CLNK: variants seen among roughly 807,000 people sequenced by gnomAD.
The protein encoded by CLNK is cytokine dependent hematopoietic cell linker, also known as cytokine-dependent hematopoietic cell linker.
CLNK carries 74 observed loss-of-function variants against 68.6 expected under a neutral mutation model. The observed-to-expected ratio is 1.08, with a 90% confidence interval of 0.89 to 1.31. The LOEUF is 1.31. CLNK is among the 50% of genes most tolerant of loss of function. The probability of loss-of-function intolerance (pLI) is 0.00; values close to 1 mark genes in which losing one functional copy is unlikely to be tolerated. For synonymous variants in CLNK, 198 were observed against 172.2 expected (o/e 1.15, Z -1.17); for missense variants, 553 against 515.3 (o/e 1.07, Z -0.71).
At chr4:10,626,589 A>C (rs1318333043) in intron 2 of CLNK, among the ~76,000 whole-genome samples, 1 of 152,348 alleles carries the variant, frequency 6.6e-6, no homozygotes, top group Middle Eastern at 3.4e-3. Context: ...AAAAACAGGA[A>C]AATAAAAATC....
chr4:10,581,788 C>T (rs1355569126), intron 4 of CLNK, among the ~76,000 whole-genome samples: 2 of 151,742 alleles, frequency 1.3e-5, no homozygotes, highest in Non-Finnish European at 2.9e-5. Context: ...CCTTGATTGC[C>T]CTTAGAAATG....
At chr4:10,572,244 A>G (rs2108828507) in intron 4 of CLNK, among the ~76,000 whole-genome samples, 1 of 152,380 alleles carries the variant, frequency 6.6e-6, no homozygotes, top group East Asian at 1.9e-4. Context: ...AAGTATTTTG[A>G]GGACAGAAGT....
At chr4:10,678,970 A>C (rs1240438445) in intron 1 of CLNK, among the ~76,000 whole-genome samples, 1 of 152,228 alleles carries the variant, frequency 6.6e-6, no homozygotes, top group Admixed American at 6.5e-5. Flanking sequence ...TGCCATCCCC[A>C]TCAAGCTACC....
At chr4:10,517,330 C>A (rs2191006) in intron 15 of CLNK, 14 of 152,002 alleles carry the variant, frequency 9.2e-5, no homozygotes, top group African/African-American at 3.1e-4. Context: ...GGAGGCACAA[C>A]ATAATATAAA....
At chr4:10,662,965 T>C (rs543278448) in intron 2 of CLNK, among the ~76,000 whole-genome samples, 1 of 152,342 alleles carries the variant, frequency 6.6e-6, no homozygotes, top group East Asian at 1.9e-4. Flanking sequence ...ATCTGGGATG[T>C]GCAAGAGTGA....
chr4:10,678,992 T>A (rs186424134), intron 1 of CLNK, among the ~76,000 whole-genome samples: 2 of 152,314 alleles, frequency 1.3e-5, no homozygotes. Flanking sequence ...ATGACTTTTT[T>A]CACTGAATTG....
At chr4:10,722,159 G>T in the CLNK span, among the ~76,000 whole-genome samples, 3 of 152,158 alleles carry the variant, frequency 2.0e-5, no homozygotes, top group Non-Finnish European at 2.9e-5. Flanking sequence ...GAGCGAGAGA[G>T]ACCCTGTCTC....
At chr4:10,632,180 T>A (rs6849475) in intron 2 of CLNK, among the ~76,000 whole-genome samples, 121 of 152,366 alleles carry the variant, frequency 7.9e-4, no homozygotes, top group African/African-American at 2.5e-3. Flanking sequence ...TTTCCCCAGT[T>A]GTACAGTACG....
rs74882684 is a variant in CLNK at position 10,544,317 on chromosome 4, T to C, written c.446-2037A>G. 5.5e-3 allele frequency among the ~76,000 whole-genome samples: 836 copies of C among 152,374 alleles called. 5 individuals carry two copies. Among genetic ancestry groups the C allele is most frequent in the African/African-American group, 0.019 (791 of 41,592 alleles). Reference sequence around the variant, plus strand: ...CTTCTTTTATTTCATTGATTTATTATTGAGCACATAGTATGTGTTAGGTAT... The same window carrying C: ...CTTCTTTTATTTCATTGATTTATTACTGAGCACATAGTATGTGTTAGGTAT... On this transcript the variant is annotated intron_variant, in intron 8 of 18. Transcript: ENST00000226951.
rs567085450 is a variant in CLNK, at chr4:10,494,580, C to T, written c.1141-3967G>A. ...TCAAGCAATTCTCCTGCCTCAGCCT[C>T]CCAAGTAGCTGGGATTACAGGCATG... On this transcript the variant is annotated intron_variant, in intron 18 of 18. Transcript: ENST00000226951. Among the ~76,000 whole-genome samples, 23 of 152,070 alleles carry T rather than the reference C, an allele frequency of 1.5e-4. No individual in the cohort carries two copies. The South Asian group carries it at 3.5e-3, about 23-fold the overall frequency.
At chr4:10,552,496 A>G (rs1048781695) in intron 8 of CLNK, among the ~76,000 whole-genome samples, 1 of 152,102 alleles carries the variant, frequency 6.6e-6, no homozygotes, top group Non-Finnish European at 1.5e-5. Context: ...AGTTTTTTGC[A>G]TGCGTGTCTG....
chr4:10,639,651 CTTAAAA>C (rs1169217884), intron 2 of CLNK, among the ~76,000 whole-genome samples: 5 of 152,184 alleles, frequency 3.3e-5, no homozygotes, highest in African/African-American at 4.8e-5. Flanking sequence ...TTAAATATAA[CTTAAAA>C]TTAATTAAAC....
chr4:10,632,963 G>T (rs1722945988), intron 2 of CLNK, among the ~76,000 whole-genome samples: 1 of 152,086 alleles, frequency 6.6e-6, no homozygotes, highest in African/African-American at 2.4e-5. Flanking sequence ...ATCTTATTTT[G>T]ACTGAGGCCT....
At chr4:10,730,635 C>T in the CLNK span, among the ~76,000 whole-genome samples, 1 of 152,088 alleles carries the variant, frequency 6.6e-6, no homozygotes, top group Non-Finnish European at 1.5e-5. Flanking sequence ...CCCAATCTCC[C>T]AGCACGTTGA....
intron 4 of CLNK, 39 bp from the exon 5 acceptor site, chr4:10,571,817 G>A: frequency 6.4e-7 from 1 of 1,550,566 alleles, no homozygotes; most frequent in Non-Finnish European, 8.9e-7. Context: ...TTTAATCACT[G>A]TGGTAGCTCC....
chr4:10,659,626 C>A (rs774646080), intron 2 of CLNK, among the ~76,000 whole-genome samples: 3 of 152,088 alleles, frequency 2.0e-5, no homozygotes, highest in Non-Finnish European at 4.4e-5. Flanking sequence ...CCTCCCCACC[C>A]CCATAAAAAA....
chr4:10,565,884 T>TA, intron 6 of CLNK, 125 bp downstream of exon 6: 2 of 971,706 alleles, frequency 2.1e-6, no homozygotes, highest in South Asian at 1.8e-5. Context: ...GTCACACAGC[T>TA]AGTAAGTCAT....
At position 10,657,110 on chromosome 4, in the gene CLNK, C is replaced by A. The variant is rs140090740; in HGVS notation, c.11+10749G>T. The stretch of plus-strand genomic sequence containing the variant: ...GCAGATGACAAAACAGGTACTGAGA[C>A]TTCTTAACTTTCTCAAGAACTCATA... On this transcript the variant is annotated intron_variant, in intron 2 of 18. Transcript: ENST00000226951. Among the ~76,000 whole-genome samples the A allele has an allele frequency of 2.9e-4, 44 of 152,280 alleles. 2 individuals are homozygous for A. In the East Asian group the frequency reaches 8.3e-3, roughly 29 times the overall value.
upstream of CLNK, among the ~76,000 whole-genome samples, chr4:10,689,744 C>CTTTTTTTTTTTTTTTTT (rs1560280654): frequency 3.7e-4 from 10 of 26,906 alleles, no homozygotes; most frequent in Admixed American, 9.5e-4. Flanking sequence ...AAAACCCATG[C>CTTTTTTTTTTTTTTTTT]ATTTTTTTTT....
Sources: gnomAD v4.1 joint callset for allele counts (sites outside exome capture counted in the v4.1 genomes callset) on GRCh38, gnomAD v4.1.1 for gene constraint, MANE v1.5 for transcripts, NCBI Gene and HGNC (gene_info 2026-07-23, HGNC 2026-07-21) for gene names.